The following ANKHD1 variants were observed in gnomAD, a reference collection of about 807,000 sequenced individuals.
ANKHD1 encodes ankyrin repeat and KH domain-containing protein 1.
A neutral mutation model predicts 230.5 loss-of-function variants in ANKHD1; 31 were observed. That is an observed-to-expected ratio of 0.13 (90% CI 0.10 to 0.18). The LOEUF is 0.18. Among genes scored for constraint, ANKHD1 ranks in the 10% least tolerant of loss-of-function variants. The pLI, the probability that ANKHD1 is intolerant of heterozygous loss-of-function variation, is 1.00. For missense variants in ANKHD1, 2,256 were observed against 3,071.3 expected (o/e 0.73, Z 6.27); for synonymous variants, 1,074 against 1,117.6 (o/e 0.96, Z 0.78).
chr5:140,459,721 A>G (rs565087476), intron 9 of ANKHD1, among the ~76,000 whole-genome samples: 13 of 152,318 alleles, frequency 8.5e-5, no homozygotes, highest in Admixed American at 6.5e-4. Context: ...ATATCATAAC[A>G]TCACATTGTA....
At chr5:140,487,998 T>C (rs1751583452) in intron 14 of ANKHD1, among the ~76,000 whole-genome samples, 1 of 152,228 alleles carries the variant, frequency 6.6e-6, no homozygotes, top group Non-Finnish European at 1.5e-5. Context: ...TTACCAGGGC[T>C]AAACTATTAA....
rs772178747 is a variant in ANKHD1 at position 140,440,277 on chromosome 5, A to G, written c.765+11A>G. The G allele has an allele frequency of 1.1e-5, 17 of 1,603,750 alleles. No individual in the cohort carries two copies. The highest frequency in any genetic ancestry group is 1.7e-5 in the Admixed American group (1 of 57,870). On this transcript the variant is annotated intron_variant, in intron 4 of 33. Transcript: ENST00000360839. ...TATGAATTAGCACAAGTAAGCAGAAATAATCTTTAGTGATTAAAATTGTGG... is the reference window on the plus strand; with the variant it reads ...TATGAATTAGCACAAGTAAGCAGAAGTAATCTTTAGTGATTAAAATTGTGG...
intron 15 of ANKHD1, among the ~76,000 whole-genome samples, chr5:140,503,701 G>C (rs1208684216): frequency 6.6e-6 from 1 of 151,036 alleles, no homozygotes; most frequent in Admixed American, 6.6e-5. Flanking sequence ...CCGAGTAGCT[G>C]GGCTTACAGG....
intron 1 of ANKHD1, among the ~76,000 whole-genome samples, chr5:140,421,903 T>G (rs929374555): frequency 1.3e-5 from 2 of 152,222 alleles, no homozygotes; most frequent in Non-Finnish European, 2.9e-5. Context: ...TACCAACCCC[T>G]CAACAGAATT....
intron 10 of ANKHD1, among the ~76,000 whole-genome samples, chr5:140,474,841 A>T (rs190332933): frequency 2.2e-4 from 33 of 152,116 alleles, no homozygotes; most frequent in Non-Finnish European, 4.6e-4. Context: ...ATATATTTTT[A>T]GGGAGCTTAT....
Position 140,468,052 on chromosome 5 carries a change from C to CTTTTTTTTTTTTTTTTTTTTTTTTTT in ANKHD1, c.1782+3291_1782+3316dup, listed in dbSNP as rs869172143. ...AGTTTAAGGTTTAAGTGTACTAATT[C>CTTTTTTTTTTTTTTTTTTTTTTTTTT]TTTTTTTTTTTTTTTTTTTTTTTTT... On this transcript the variant is annotated intron_variant, in intron 10 of 33. Transcript: ENST00000360839. Among the ~76,000 whole-genome samples the CTTTTTTTTTTTTTTTTTTTTTTTTTT allele has an allele frequency of 9.5e-5, 5 of 52,380 alleles. 2 individuals are homozygous for CTTTTTTTTTTTTTTTTTTTTTTTTTT. Among genetic ancestry groups the CTTTTTTTTTTTTTTTTTTTTTTTTTT allele is most frequent in the Non-Finnish European group, 9.5e-5 (3 of 31,652 alleles). The allele number at this position is 52,380 out of a possible 152,430, so 34.4% of individuals were successfully genotyped here. A position where few individuals can be genotyped will look rare whatever the true frequency, so the allele number is the denominator to read the frequency against.
chr5:140,419,139 C>CT lies in ANKHD1; in HGVS notation c.306+16878dup, dbSNP rs369298829. ...TTTGTTATTTTTCTTTCTTTTCTCTCTTTTTTTTTTTTATTACAGCCATTC... is the reference window on the plus strand; with the variant it reads ...TTTGTTATTTTTCTTTCTTTTCTCTCTTTTTTTTTTTTTATTACAGCCATTC... On this transcript the variant is annotated intron_variant, in intron 1 of 33. Coordinates refer to ENST00000360839, the MANE Select transcript of ANKHD1 (RefSeq NM_017747.3). 1.8e-3 allele frequency among the ~76,000 whole-genome samples: 259 copies of CT among 145,510 alleles called. 3 individuals are homozygous for CT. In the East Asian group the frequency reaches 0.018, roughly 10 times the overall value.
rs1277819658 is a variant in ANKHD1 at position 140,509,830 on chromosome 5, A to G, written c.3941+18A>G. ...ATTCATAGGTGAGTACTTTTCTATT[A>G]TATGTAGAACTTCTCATGGTCATTT... On this transcript the variant is annotated intron_variant, in intron 21 of 33. Coordinates refer to ENST00000360839, the MANE Select transcript of ANKHD1 (RefSeq NM_017747.3). The G allele has an allele frequency of 6.3e-7, 1 of 1,598,076 alleles. No homozygotes were observed.
chr5:140,496,277 T>G (rs1752031724), intron 14 of ANKHD1, among the ~76,000 whole-genome samples: 1 of 151,968 alleles, frequency 6.6e-6, no homozygotes, highest in South Asian at 2.1e-4. Flanking sequence ...TTTTTAAAAC[T>G]TCACAGTTTT....
chr5:140,490,850 C>T (rs78803914), intron 14 of ANKHD1, among the ~76,000 whole-genome samples: 2,457 of 151,776 alleles, frequency 0.016, 74 homozygotes, highest in African/African-American at 0.056. Context: ...GTTCTTGTCA[C>T]TTTTGCTTGC....
chr5:140,513,034 C>A, intron 23 of ANKHD1, 111 bp downstream of exon 23: 1 of 1,055,074 alleles, frequency 9.5e-7, no homozygotes, highest in South Asian at 1.7e-5. Context: ...GTCACCTGAT[C>A]TCTTTATGCG....
intron 2 of ANKHD1, among the ~76,000 whole-genome samples, chr5:140,437,607 G>A (rs1773548248): frequency 6.6e-6 from 1 of 152,216 alleles, no homozygotes; most frequent in South Asian, 2.1e-4. Flanking sequence ...TCGAGAGGCT[G>A]AGGCAGGAGA....
intron 1 of ANKHD1, among the ~76,000 whole-genome samples, chr5:140,414,399 A>G (rs1041932155): frequency 4.6e-5 from 7 of 152,202 alleles, no homozygotes; most frequent in African/African-American, 1.7e-4. Flanking sequence ...TCTAATGGGT[A>G]TGAAGTGGTA....
At chr5:140,448,911 G>T (rs1001972358) in intron 6 of ANKHD1, among the ~76,000 whole-genome samples, 2 of 152,128 alleles carry the variant, frequency 1.3e-5, no homozygotes, top group African/African-American at 4.8e-5. Flanking sequence ...TGATCTCAGT[G>T]TTTTGATTAG....
In ANKHD1 at chr5:140,528,808, T is replaced by C; in HGVS notation, c.5862T>C (p.Thr1954=). The C allele has an allele frequency of 6.2e-7, 1 of 1,614,102 alleles. No homozygotes were observed. Among genetic ancestry groups the C allele is most frequent in the Non-Finnish European group, 8.5e-7 (1 of 1,180,040 alleles). The part of the protein sequence containing the change: ...SQQLCVTNTR[T]PSSVRKQLFA... ...AACTGTGTGTCACTAATACCCGGAC[T>C]CCTTCATCAGTCAGAAAGCAGTTGT... The change falls in exon 29 of 34, where the codon ACT becomes ACC. Residue 1954 remains threonine (T), a synonymous_variant. Transcript: ENST00000360839.
At chr5:140,402,593 G>A (rs1187105989) in intron 1 of ANKHD1, among the ~76,000 whole-genome samples, 3 of 152,198 alleles carry the variant, frequency 2.0e-5, no homozygotes, top group Non-Finnish European at 4.4e-5. Flanking sequence ...GCGGGGTCTT[G>A]CCAGAGTCCC....
chr5:140,536,874 T>A (rs1389228333), intron 30 of ANKHD1, among the ~76,000 whole-genome samples: 3 of 151,906 alleles, frequency 2.0e-5, no homozygotes, highest in African/African-American at 7.3e-5. Flanking sequence ...AATACAAAAT[T>A]ACCAGGTGAG....
rs549556017 is a variant in ANKHD1, at chr5:140,415,109, C to T, written c.306+12836C>T. On this transcript the variant is annotated intron_variant, in intron 1 of 33. Coordinates refer to ENST00000360839, the MANE Select transcript of ANKHD1 (RefSeq NM_017747.3). ...CTCCAGTGTCATGAAGATTTTCAGG[C>T]GTGGTGGTTCACACCTATAATCCCA... 4.5e-4 allele frequency among the ~76,000 whole-genome samples: 69 copies of T among 152,106 alleles called. 1 individual carries two copies. The highest frequency in any genetic ancestry group is 6.8e-3 in the Middle Eastern group (2 of 292).
intron 29 of ANKHD1, chr5:140,532,875 T>A (rs543042226): frequency 6.0e-5 from 22 of 365,982 alleles, no homozygotes; most frequent in Non-Finnish European, 1.0e-4. Flanking sequence ...GTTGGGTGGA[T>A]CACTTGAAGT....
Sources: gnomAD v4.1 joint callset for allele counts (sites outside exome capture counted in the v4.1 genomes callset) on GRCh38, gnomAD v4.1.1 for gene constraint, MANE v1.5 for transcripts, NCBI Gene and HGNC (gene_info 2026-07-23, HGNC 2026-07-21) for gene names.